Variants in CADM2 observed in about 807,000 individuals in gnomAD.
CADM2 encodes the protein cell adhesion molecule 2.
Under a neutral mutation model 49.8 loss-of-function variants are expected in CADM2, and 12 were observed. That is an observed-to-expected ratio of 0.24 (90% CI 0.15 to 0.39). The LOEUF is 0.39. Ranked by LOEUF, CADM2 falls within the 10% of genes least tolerant of loss-of-function variation. CADM2 has a pLI of 1.00. For synonymous variants in CADM2, 214 were observed against 175.4 expected (o/e 1.22, Z -1.74); for missense variants, 378 against 492.3 (o/e 0.77, Z 2.20).
At chr3:85,038,905 C>T (rs1419968327) in intron 1 of CADM2, among the ~76,000 whole-genome samples, 1 of 151,986 alleles carries the variant, frequency 6.6e-6, no homozygotes, top group Admixed American at 6.6e-5. Flanking sequence ...CTTTTTCATC[C>T]CCTTGTCATT....
chr3:85,858,478 A>C (rs2108314101), intron 3 of CADM2, among the ~76,000 whole-genome samples: 1 of 152,334 alleles, frequency 6.6e-6, no homozygotes, highest in Admixed American at 6.5e-5. Flanking sequence ...CAAAATATAT[A>C]AAGCAGTTTC....
chr3:85,563,411 T>TGTGGGGG lies in CADM2; in HGVS notation c.62-163110_62-163109insTGGGGGG, dbSNP rs138726875. On this transcript the variant is annotated intron_variant, in intron 1 of 9. Transcript: ENST00000383699. Reference sequence around the variant, plus strand: ...AAAACAGGGAATTTTTGTGTGTGTGTGGGGGGGTGGTAATTTAGCTAAAAT... The same window carrying TGTGGGGG: ...AAAACAGGGAATTTTTGTGTGTGTGTGTGGGGGGGGGGGGTGGTAATTTAGCTAAAAT... Among the ~76,000 whole-genome samples, 46 of 142,146 alleles carry TGTGGGGG rather than the reference T, an allele frequency of 3.2e-4. 1 individual carries two copies. Among genetic ancestry groups the TGTGGGGG allele is most frequent in the East Asian group, 8.7e-4 (4 of 4,602 alleles). 93.3% of individuals were successfully genotyped at this position (142,146 alleles called of 152,430 possible).
At chr3:85,428,465 T>C (rs2036517756) in intron 1 of CADM2, among the ~76,000 whole-genome samples, 1 of 145,970 alleles carries the variant, frequency 6.9e-6, no homozygotes, top group African/African-American at 2.5e-5. Flanking sequence ...ATATGATATG[T>C]ATCATACTAA....
At chr3:85,826,037 GTAAAA>G (rs1469484010) in intron 3 of CADM2, among the ~76,000 whole-genome samples, 2 of 151,996 alleles carry the variant, frequency 1.3e-5, no homozygotes, top group African/African-American at 4.8e-5. Flanking sequence ...ATCTCTGAAA[GTAAAA>G]TAATCTAGCA....
chr3:85,534,417 A>G (rs1050311568), intron 1 of CADM2, among the ~76,000 whole-genome samples: 4 of 152,204 alleles, frequency 2.6e-5, no homozygotes, highest in Non-Finnish European at 4.4e-5. Flanking sequence ...AACTATTTCC[A>G]TCATCAGAGA....
At chr3:85,854,452 A>G (rs1355588970) in intron 3 of CADM2, among the ~76,000 whole-genome samples, 1 of 152,170 alleles carries the variant, frequency 6.6e-6, no homozygotes, top group African/African-American at 2.4e-5. Context: ...TGCAGCCATA[A>G]AAAAGGATGA....
At chr3:85,981,867 T>C (rs1170047611) in intron 8 of CADM2, among the ~76,000 whole-genome samples, 1 of 151,772 alleles carries the variant, frequency 6.6e-6, no homozygotes, top group Non-Finnish European at 1.5e-5. Flanking sequence ...TTTGGGTATA[T>C]ACTCAGTGAT....
chr3:85,176,241 A>C (rs2040782722), intron 1 of CADM2, among the ~76,000 whole-genome samples: 1 of 152,188 alleles, frequency 6.6e-6, no homozygotes, highest in Non-Finnish European at 1.5e-5. Context: ...TGTCACTTTC[A>C]AATGGTACAT....
chr3:85,181,185 G>A (rs964429766), intron 1 of CADM2, among the ~76,000 whole-genome samples: 1 of 152,050 alleles, frequency 6.6e-6, no homozygotes, highest in African/African-American at 2.4e-5. Flanking sequence ...ATACAAATAA[G>A]CATGGCATAT....
Position 85,836,846 on chromosome 3 carries a change from C to T in CADM2, c.238+34650C>T, listed in dbSNP as rs1048786845. ...TGATACGAGCAAAATGGCATCTATA[C>T]AGCCATGTGAGTGCCTGGCAAGCTA... On this transcript the variant is annotated intron_variant, in intron 3 of 9. Coordinates refer to ENST00000383699, the MANE Select transcript of CADM2 (RefSeq NM_001167675.2). Among the ~76,000 whole-genome samples, 3 of 151,542 alleles carry T rather than the reference C, an allele frequency of 2.0e-5. No homozygotes were observed. In the Admixed American group the frequency reaches 2.0e-4, roughly 10 times the overall value.
At chr3:85,313,192 A>G (rs1422640148) in intron 1 of CADM2, among the ~76,000 whole-genome samples, 1 of 152,198 alleles carries the variant, frequency 6.6e-6, no homozygotes, top group Non-Finnish European at 1.5e-5. Context: ...GAAGCTTCTA[A>G]TACTTCTAAA....
At chr3:85,651,129 C>A (rs2065031197) in intron 1 of CADM2, among the ~76,000 whole-genome samples, 1 of 151,816 alleles carries the variant, frequency 6.6e-6, no homozygotes, top group Non-Finnish European at 1.5e-5. Context: ...ATTTATCTTG[C>A]ATAAACTGCC....
At chr3:86,014,689 A>G (rs1559801575) in intron 8 of CADM2, 2 of 1,539,734 alleles carry the variant, frequency 1.3e-6, no homozygotes, top group South Asian at 2.5e-5. Flanking sequence ...CTCAAATTCA[A>G]TACACCGGAG....
At chr3:85,262,635 T>A (rs1350412257) in intron 1 of CADM2, among the ~76,000 whole-genome samples, 2 of 152,112 alleles carry the variant, frequency 1.3e-5, no homozygotes, top group Non-Finnish European at 2.9e-5. Flanking sequence ...ACTTCAACAG[T>A]GTAGAAATTG....
At chr3:85,585,472 A>AATT (rs1300309321) in intron 1 of CADM2, among the ~76,000 whole-genome samples, 1 of 151,782 alleles carries the variant, frequency 6.6e-6, no homozygotes, top group African/African-American at 2.4e-5. Context: ...CTATTCATGA[A>AATT]ATTGTGAAGA....
intron 8 of CADM2, among the ~76,000 whole-genome samples, chr3:86,010,684 A>T (rs1731389382): frequency 1.3e-5 from 2 of 151,394 alleles, no homozygotes; most frequent in Non-Finnish European, 3.0e-5. Context: ...TGAAAAATTT[A>T]AAAATAAATA....
intron 1 of CADM2, among the ~76,000 whole-genome samples, chr3:85,389,686 C>T (rs1327494076): frequency 6.6e-6 from 1 of 151,926 alleles, no homozygotes; most frequent in Non-Finnish European, 1.5e-5. Flanking sequence ...TTAACTTTTC[C>T]AGTAGTTTTC....
chr3:86,054,441 T>C (rs549288070), intron 8 of CADM2, among the ~76,000 whole-genome samples: 1 of 152,086 alleles, frequency 6.6e-6, no homozygotes. Flanking sequence ...GTGTGTCTAG[T>C]GTATTGGCTC....
At chr3:85,240,940 A>C (rs2042517784) in intron 1 of CADM2, among the ~76,000 whole-genome samples, 1 of 151,562 alleles carries the variant, frequency 6.6e-6, no homozygotes, top group African/African-American at 2.4e-5. Context: ...AATCAGGGTA[A>C]TTGGCAGATT....
Sources: gnomAD v4.1 joint callset for allele counts (sites outside exome capture counted in the v4.1 genomes callset) on GRCh38, gnomAD v4.1.1 for gene constraint, MANE v1.5 for transcripts, NCBI Gene and HGNC (gene_info 2026-07-23, HGNC 2026-07-21) for gene names.